Variants in COG5 observed in about 807,000 individuals in gnomAD.
COG5 encodes conserved oligomeric Golgi complex subunit 5.
Under a neutral mutation model 110.4 loss-of-function variants are expected in COG5, and 86 were observed. That is an observed-to-expected ratio of 0.78 (90% CI 0.65 to 0.93). The LOEUF is 0.93. COG5 is among the 40% of genes least tolerant of loss of function. COG5 has a pLI of 0.00. For missense variants in COG5, 1,077 were observed against 987.0 expected (o/e 1.09, Z -1.22); for synonymous variants, 360 against 334.6 (o/e 1.08, Z -0.83).
intron 18 of COG5, among the ~76,000 whole-genome samples, chr7:107,232,524 G>C (rs533228793): frequency 6.6e-6 from 1 of 152,148 alleles, no homozygotes; most frequent in African/African-American, 2.4e-5. Flanking sequence ...CTTAGCACTT[G>C]AGCAGGACCA....
chr7:107,292,861 G>A (rs1806291136), intron 12 of COG5, among the ~76,000 whole-genome samples: 1 of 152,202 alleles, frequency 6.6e-6, no homozygotes, highest in Admixed American at 6.5e-5. Context: ...AATCACTTAT[G>A]TCTTTAGATA....
At chr7:107,494,444 C>T (rs574551999) in intron 6 of COG5, among the ~76,000 whole-genome samples, 22 of 152,272 alleles carry the variant, frequency 1.4e-4, no homozygotes, top group African/African-American at 4.1e-4. Flanking sequence ...CTATTGCCTA[C>T]GATGTCACAG....
At position 107,283,628 on chromosome 7, in the gene COG5, C is replaced by G. The variant is rs755053709; in HGVS notation, c.1418G>C (p.Gly473Ala). 6.2e-7 allele frequency: 1 copy of G among 1,613,894 alleles called. No individual in the cohort carries two copies. The highest frequency in any genetic ancestry group is 8.5e-7 in the Non-Finnish European group (1 of 1,179,920). The change falls in exon 13 of 22, where the codon GGT (glycine) becomes GCT (alanine). Residue 473 changes from glycine (G) to alanine (A), a missense_variant. Physicochemically the swap from Gly to Ala is moderately conservative, Grantham distance 60. Transcript: ENST00000297135. ...FDPINLVFPPGGRNPPSSDEL... is the reference protein window; with the variant it reads ...FDPINLVFPPAGRNPPSSDEL... ...ATCAGAGGAAGGAGGATTACGACCA[C>G]CCGGGGGAAAAACCAAGTTGATAGG...
rs139358574 is a variant in COG5, at chr7:107,324,601, T to A, written c.1027-80A>T. The A allele has an allele frequency of 3.2e-3, 2,232 of 699,970 alleles. 39 individuals are homozygous for A. The African/African-American group carries it at 0.038, about 12-fold the overall frequency. 43.4% of individuals were successfully genotyped at this position (699,970 alleles called of 1,614,324 possible). On this transcript the variant is annotated intron_variant, in intron 10 of 21. Transcript: ENST00000297135. ...AAATCATAATGGGTAACACGTAACC[T>A]TGAAAAGTTATTTAAAATTTAAATA...
chr7:107,487,238 A>T (rs1797708159), intron 6 of COG5, among the ~76,000 whole-genome samples: 4 of 152,212 alleles, frequency 2.6e-5, no homozygotes, highest in South Asian at 2.1e-4. Context: ...CAAAGAATAC[A>T]AACAGGTAAC....
At chr7:107,362,519 A>C in intron 8 of COG5, 99 bp from the exon 9 acceptor site, 1 of 748,374 alleles carries the variant, frequency 1.3e-6, no homozygotes, top group Non-Finnish European at 2.3e-6. Flanking sequence ...CTAAAAAATG[A>C]GAAGTTCCTT....
intron 7 of COG5, among the ~76,000 whole-genome samples, chr7:107,398,086 T>C (rs923629150): frequency 6.6e-6 from 1 of 152,140 alleles, no homozygotes; most frequent in South Asian, 2.1e-4. Context: ...GGCAAAAATT[T>C]CTTTCATAAT....
At chr7:107,487,354 T>C (rs1797711940) in intron 6 of COG5, among the ~76,000 whole-genome samples, 1 of 152,096 alleles carries the variant, frequency 6.6e-6, no homozygotes, top group African/African-American at 2.4e-5. Flanking sequence ...TGTTCATATG[T>C]GCTTGGCAAA....
intron 21 of COG5, chr7:107,210,180 T>G: frequency 8.8e-7 from 1 of 1,139,782 alleles, no homozygotes; most frequent in Non-Finnish European, 1.1e-6. Flanking sequence ...ATTCAGTAAC[T>G]GCAGCACATA....
intron 5 of COG5, among the ~76,000 whole-genome samples, chr7:107,538,260 G>T (rs1036821157): frequency 2.6e-5 from 4 of 152,218 alleles, no homozygotes; most frequent in Non-Finnish European, 5.9e-5. Context: ...TTTTTCACAT[G>T]CTATGCAAGT....
intron 7 of COG5, among the ~76,000 whole-genome samples, chr7:107,374,184 A>G (rs1584744563): frequency 1.3e-5 from 2 of 152,130 alleles, no homozygotes; most frequent in Admixed American, 6.5e-5. Context: ...CTATTTTATA[A>G]AAAATTATTA....
intron 7 of COG5, among the ~76,000 whole-genome samples, chr7:107,398,380 GGTGAGCGGCAGGGCA>G (rs1554430572): frequency 6.6e-6 from 1 of 152,208 alleles, no homozygotes; most frequent in Non-Finnish European, 1.5e-5. Flanking sequence ...CACAGCAGGA[GGTGAGCGGCAGGGCA>G]GTGAGCATTA....
At chr7:107,275,977 A>G (rs1584608922) in intron 14 of COG5, among the ~76,000 whole-genome samples, 1 of 152,346 alleles carries the variant, frequency 6.6e-6, no homozygotes, top group East Asian at 1.9e-4. Flanking sequence ...GTGTATATTT[A>G]CAAAGCCTTA....
rs1162176106 is a variant in COG5 at position 107,554,275 on chromosome 7, A to G, written c.292+10T>C. On this transcript the variant is annotated intron_variant, in intron 3 of 21. Transcript: ENST00000297135. ...CTCTACATAATCTCTAGCAGTTATT[A>G]GAAATATACCTTCCAACGACTCAAT... 6 of 1,612,116 alleles carry G rather than the reference A, an allele frequency of 3.7e-6. No homozygotes were observed. The highest frequency in any genetic ancestry group is 1.6e-4 in the Middle Eastern group (1 of 6,082).
At chr7:107,285,400 C>A (rs1402661108) in intron 12 of COG5, among the ~76,000 whole-genome samples, 1 of 152,194 alleles carries the variant, frequency 6.6e-6, no homozygotes, top group Non-Finnish European at 1.5e-5. Flanking sequence ...AGAACTAACA[C>A]TTTCCCGTTC....
chr7:107,349,851 C>T (rs1811982003), intron 10 of COG5, among the ~76,000 whole-genome samples: 1 of 152,164 alleles, frequency 6.6e-6, no homozygotes, highest in African/African-American at 2.4e-5. Flanking sequence ...AGCCACAGCG[C>T]CCAGTCTTTT....
In COG5 at chr7:107,210,608, G is replaced by C; in HGVS notation, c.2296-3C>G. On this transcript the variant is annotated splice_polypyrimidine_tract_variant and splice_region_variant and intron_variant, in intron 20 of 21. Transcript: ENST00000297135. ...CGTGTGTGGGACCACTCTGCCCTCT[G>C]CAGGGTTGAAACACAATTAGAGAGA... The C allele has an allele frequency of 3.1e-6, 5 of 1,597,184 alleles. No homozygotes were observed. Among genetic ancestry groups the C allele is most frequent in the Non-Finnish European group, 4.3e-6 (5 of 1,171,136 alleles).
intron 13 of COG5, 50 bp from the exon 14 acceptor site, chr7:107,281,449 CAAAGT>C (rs1290061914): frequency 1.5e-6 from 2 of 1,306,428 alleles, no homozygotes; most frequent in Non-Finnish European, 2.2e-6. Flanking sequence ...CATTCATCAA[CAAAGT>C]AAAGAGCAAG....
chr7:107,364,180 A>AC (rs1254875822), intron 8 of COG5, among the ~76,000 whole-genome samples: 1 of 152,220 alleles, frequency 6.6e-6, no homozygotes, highest in East Asian at 1.9e-4. Context: ...ACATCATCTT[A>AC]CCAATAGTAT....
Sources: gnomAD v4.1 joint callset for allele counts (sites outside exome capture counted in the v4.1 genomes callset) on GRCh38, gnomAD v4.1.1 for gene constraint, MANE v1.5 for transcripts, NCBI Gene and HGNC (gene_info 2026-07-23, HGNC 2026-07-21) for gene names.